The following AGAP1 variants were observed in gnomAD, a reference collection of about 807,000 sequenced individuals.
AGAP1 encodes the protein arf-GAP with GTPase, ANK repeat and PH domain-containing protein 1.
AGAP1 carries 29 observed loss-of-function variants against 105.3 expected under a neutral mutation model. That is an observed-to-expected ratio of 0.28 (90% CI 0.21 to 0.38). The LOEUF (loss-of-function observed/expected upper bound fraction) is 0.38. Ranked by LOEUF, AGAP1 falls within the 10% of genes least tolerant of loss-of-function variation. AGAP1 has a pLI of 1.00. For synonymous variants in AGAP1, 509 were observed against 485.9 expected (o/e 1.05, Z -0.63); for missense variants, 998 against 1,165.1 (o/e 0.86, Z 2.09).
chr2:235,937,009 C>T (rs144197024), intron 12 of AGAP1, among the ~76,000 whole-genome samples: 6 of 152,034 alleles, frequency 3.9e-5, no homozygotes, highest in East Asian at 1.9e-4. Flanking sequence ...CTTTTGATAG[C>T]GCTTGCTTTT....
At chr2:235,530,584 C>T (rs1486481488) in intron 1 of AGAP1, among the ~76,000 whole-genome samples, 1 of 152,138 alleles carries the variant, frequency 6.6e-6, no homozygotes, top group Non-Finnish European at 1.5e-5. Context: ...GCTCATGGCC[C>T]CTTCCTCTGT....
In AGAP1 at chr2:236,131,612, G is replaced by T. The variant is rs1296994237; in HGVS notation, c.*7490G>T. 1.3e-5 allele frequency: 2 copies of T among 151,928 alleles called. No homozygotes were observed. Among genetic ancestry groups the T allele is most frequent in the African/African-American group, 2.4e-5 (1 of 41,350 alleles). The allele number at this position is 151,928 out of a possible 1,614,324, so 9.4% of individuals were successfully genotyped here. A position where few individuals can be genotyped will look rare whatever the true frequency, so the allele number is the denominator to read the frequency against. On this transcript the variant is annotated 3_prime_UTR_variant, in exon 18 of 18. Coordinates refer to ENST00000304032, the MANE Select transcript of AGAP1 (RefSeq NM_001037131.3). This position sits in a 1 kb window ranked among gnomAD's most constrained non-coding sequence, Gnocchi z 5.9. ...CATTGACAGACATTTCACTTTGCTT[G>T]TTATTTCATATGATCTTGTTTTGAT...
rs1320476584 is a variant in AGAP1, at chr2:235,754,407, A to C, written c.673+3919A>C. Among the ~76,000 whole-genome samples the C allele has an allele frequency of 1.3e-5, 2 of 151,030 alleles. No homozygotes were observed. Among genetic ancestry groups the C allele is most frequent in the East Asian group, 2.0e-4 (1 of 5,024 alleles). ...TAAAGGAAAAGCGTGTAATTTCTACATAATGTTTGGCTTGTAAATAAAAAA... is the reference window on the plus strand; with the variant it reads ...TAAAGGAAAAGCGTGTAATTTCTACCTAATGTTTGGCTTGTAAATAAAAAA... On this transcript the variant is annotated intron_variant, in intron 6 of 17. Coordinates refer to ENST00000304032, the MANE Select transcript of AGAP1 (RefSeq NM_001037131.3). This position sits in a 1 kb window ranked among gnomAD's most constrained non-coding sequence, Gnocchi z 4.6.
At chr2:235,822,337 T>A (rs990083546) in intron 9 of AGAP1, among the ~76,000 whole-genome samples, 1 of 152,166 alleles carries the variant, frequency 6.6e-6, no homozygotes, top group Non-Finnish European at 1.5e-5. Flanking sequence ...GTTGGTTACT[T>A]AAAGAAGACC....
chr2:235,647,640 G>A (rs535334039), intron 1 of AGAP1, among the ~76,000 whole-genome samples: 1 of 152,120 alleles, frequency 6.6e-6, no homozygotes, highest in East Asian at 1.9e-4. Flanking sequence ...CTCCTCCCTT[G>A]CCCTCCCAAA....
chr2:235,765,540 C>G, intron 6 of AGAP1, among the ~76,000 whole-genome samples: 1 of 152,180 alleles, frequency 6.6e-6, no homozygotes, highest in South Asian at 2.1e-4. Context: ...CGTGGTCAGT[C>G]CTGGTGCCGT....
chr2:235,777,943 T>C lies in AGAP1; in HGVS notation c.674-19816T>C, dbSNP rs1254786344. On this transcript the variant is annotated intron_variant, in intron 6 of 17. Coordinates refer to ENST00000304032, the MANE Select transcript of AGAP1 (RefSeq NM_001037131.3). The surrounding 1 kb of genome is among the most constrained non-coding windows in gnomAD (Gnocchi z 5.1). ...AGTGGTTGGAAGGAGGGGACTTCCT[T>C]GGCCCCTCCTGGCTCTGCCCTGAGC... Among the ~76,000 whole-genome samples, 2 of 152,178 alleles carry C rather than the reference T, an allele frequency of 1.3e-5. No homozygotes were observed. Among genetic ancestry groups the C allele is most frequent in the Admixed American group, 6.5e-5 (1 of 15,284 alleles).
Position 236,087,353 on chromosome 2 carries a change from A to G in AGAP1, c.2115-32839A>G, listed in dbSNP as rs1344480479. Among the ~76,000 whole-genome samples, 1 of 152,174 alleles carries G rather than the reference A, an allele frequency of 6.6e-6. No homozygotes were observed. The highest frequency in any genetic ancestry group is 1.5e-5 in the Non-Finnish European group (1 of 68,038). On this transcript the variant is annotated intron_variant, in intron 16 of 17. Transcript: ENST00000304032. This position sits in a 1 kb window ranked among gnomAD's most constrained non-coding sequence, Gnocchi z 5.7. ...GGGCTAGCTGTGGGTGTTCATTGAA[A>G]GAGTCCAGGTCCCCGACAGCCCTGC...
rs1475253256 is a variant in AGAP1 at position 235,893,246 on chromosome 2, T to G, written c.1155+9797T>G. Among the ~76,000 whole-genome samples the G allele has an allele frequency of 2.0e-5, 3 of 150,790 alleles. No individual in the cohort carries two copies. Among genetic ancestry groups the G allele is most frequent in the Non-Finnish European group, 1.5e-5 (1 of 67,766 alleles). On this transcript the variant is annotated intron_variant, in intron 10 of 17. Coordinates refer to ENST00000304032, the MANE Select transcript of AGAP1 (RefSeq NM_001037131.3). This position sits in a 1 kb window ranked among gnomAD's most constrained non-coding sequence, Gnocchi z 4.7. ...AAGCACCATGTCTGTAGCGCGGGTG[T>G]GCCATGTCCATCATAAGGAAGCGCC... is the stretch of plus-strand genomic sequence containing the variant.
chr2:236,118,406 T>C (rs576968905), intron 16 of AGAP1, among the ~76,000 whole-genome samples: 50 of 148,956 alleles, frequency 3.4e-4, no homozygotes, highest in East Asian at 7.8e-4. Flanking sequence ...TTTTTTTTTT[T>C]CGAGATGGAG....
In AGAP1 at chr2:235,964,733, A is replaced by G. The variant is rs951759180; in HGVS notation, c.1484-3729A>G. ...CAGTGGAATCTAGTATTTCAGAAAT[A>G]CATATAAGAACCACTACTTTAGAAA... On this transcript the variant is annotated intron_variant, in intron 12 of 17. Coordinates refer to ENST00000304032, the MANE Select transcript of AGAP1 (RefSeq NM_001037131.3). This position sits in a 1 kb window ranked among gnomAD's most constrained non-coding sequence, Gnocchi z 4.6. 2.0e-5 allele frequency among the ~76,000 whole-genome samples: 3 copies of G among 152,168 alleles called. No individual in the cohort carries two copies. The highest frequency in any genetic ancestry group is 2.9e-5 in the Non-Finnish European group (2 of 68,042).
chr2:236,121,077 G>T lies in AGAP1; in HGVS notation c.2370+630G>T, dbSNP rs555834879. On this transcript the variant is annotated intron_variant, in intron 17 of 17. Transcript: ENST00000304032. This position sits in a 1 kb window ranked among gnomAD's most constrained non-coding sequence, Gnocchi z 4.9. ...ACCCCTGGGGCTTCTGCTGAGGCAG[G>T]TTCCCACCAGAGGCAGGCAGAAAGC... Among the ~76,000 whole-genome samples the T allele has an allele frequency of 2.0e-5, 3 of 152,190 alleles. No individual in the cohort carries two copies. Among genetic ancestry groups the T allele is most frequent in the Admixed American group, 6.5e-5 (1 of 15,280 alleles).
intron 6 of AGAP1, among the ~76,000 whole-genome samples, chr2:235,759,965 T>G (rs1302803105): frequency 6.6e-6 from 1 of 151,970 alleles, no homozygotes; most frequent in East Asian, 1.9e-4. Context: ...TAGAAAAAAA[T>G]TAGTTTGGGT....
intron 13 of AGAP1, among the ~76,000 whole-genome samples, chr2:236,010,048 C>G (rs138962611): frequency 1.3e-5 from 2 of 151,324 alleles, no homozygotes; most frequent in African/African-American, 2.4e-5. Flanking sequence ...TCAAAAGAGT[C>G]TCAGTTTGAA....
chr2:236,110,394 A>G (rs997039583), intron 16 of AGAP1, among the ~76,000 whole-genome samples: 5 of 34,174 alleles, frequency 1.5e-4, no homozygotes, highest in Non-Finnish European at 2.6e-4. Flanking sequence ...CCTTCTCTAC[A>G]AAAAAAAAAA....
At chr2:235,921,103 G>A (rs898355584) in intron 11 of AGAP1, among the ~76,000 whole-genome samples, 4 of 152,130 alleles carry the variant, frequency 2.6e-5, no homozygotes, top group South Asian at 4.1e-4. Flanking sequence ...CAGTAATAAC[G>A]CTGCTGAGAA....
At chr2:235,674,988 ATTATT>A (rs1948648241) in intron 1 of AGAP1, among the ~76,000 whole-genome samples, 1 of 150,936 alleles carries the variant, frequency 6.6e-6, no homozygotes, top group African/African-American at 2.4e-5. Context: ...TTTTTATTTT[ATTATT>A]TTATTATTTT....
intron 6 of AGAP1, among the ~76,000 whole-genome samples, chr2:235,767,508 T>A (rs962033556): frequency 6.6e-6 from 1 of 152,204 alleles, no homozygotes; most frequent in Non-Finnish European, 1.5e-5. Flanking sequence ...GCAGTCGTGT[T>A]CAGAGAGAGA....
intron 1 of AGAP1, among the ~76,000 whole-genome samples, chr2:235,590,941 T>TA (rs968437812): frequency 1.3e-5 from 2 of 151,874 alleles, no homozygotes; most frequent in African/African-American, 4.8e-5. Context: ...CAGGATGGTC[T>TA]CGATCTCCTG....
Sources: gnomAD v4.1 joint callset for allele counts (sites outside exome capture counted in the v4.1 genomes callset) on GRCh38, gnomAD v4.1.1 for gene constraint, Gnocchi (gnomAD v3.1) non-coding constraint, MANE v1.5 for transcripts, NCBI Gene and HGNC (gene_info 2026-07-23, HGNC 2026-07-21) for gene names.